The following GSDME variants were observed in gnomAD, a reference collection of about 807,000 sequenced individuals.
GSDME encodes the protein gasdermin-E.
In GSDME, 44 loss-of-function variants were observed where a neutral mutation model predicts 47.5. The ratio of observed to expected loss-of-function variants is 0.93; its 90% CI spans 0.73 to 1.19. The LOEUF (loss-of-function observed/expected upper bound fraction) is 1.19. Ranked by LOEUF, GSDME falls within the 50% of genes most tolerant of loss-of-function variation. GSDME has a pLI of 0.00. For missense variants in GSDME, 663 were observed against 604.2 expected (o/e 1.10, Z -1.02); for synonymous variants, 258 against 252.8 (o/e 1.02, Z -0.20).
At chr7:24,785,191 G>T in the GSDME span, among the ~76,000 whole-genome samples, 2 of 152,010 alleles carry the variant, frequency 1.3e-5, no homozygotes, top group Admixed American at 6.5e-5. Flanking sequence ...GGATGCTTTG[G>T]GCTATAACAG....
intron 5 of GSDME, among the ~76,000 whole-genome samples, chr7:24,715,168 C>T (rs1359916892): frequency 1.3e-5 from 2 of 152,134 alleles, no homozygotes; most frequent in Non-Finnish European, 2.9e-5. Flanking sequence ...GCTGAACTCA[C>T]AGAAGCAGGG....
At chr7:24,719,269 T>C (rs1444971339) in intron 3 of GSDME, 51 bp from the exon 4 acceptor site, 1 of 1,581,850 alleles carries the variant, frequency 6.3e-7, no homozygotes, top group Non-Finnish European at 8.6e-7. Context: ...GGGACATTGG[T>C]GTAGTGTGAA....
chr7:24,774,265 TTCCCTCCCTCCCTCCCTTCC>T, the GSDME span, among the ~76,000 whole-genome samples: 1 of 20,756 alleles, frequency 4.8e-5, no homozygotes, highest in Admixed American at 5.0e-4. Flanking sequence ...CCCTCCCTTC[TTCCCTCCCTCCCTCCCTTCC>T]TCCCTCCCTC....
At chr7:24,763,684 T>A in the GSDME span, among the ~76,000 whole-genome samples, 1 of 152,236 alleles carries the variant, frequency 6.6e-6, no homozygotes, top group Non-Finnish European at 1.5e-5. This position sits in a 1 kb window ranked among gnomAD's most constrained non-coding sequence, Gnocchi z 4.3. Context: ...AAAGTGAAAC[T>A]GCAGATAAAG....
In GSDME at chr7:24,744,721, C is replaced by G. The variant is rs1026257363; in HGVS notation, c.245G>C (p.Gly82Ala). 1 of 1,614,142 alleles carries G rather than the reference C, an allele frequency of 6.2e-7. No homozygotes were observed. The highest frequency in any genetic ancestry group is 8.5e-7 in the Non-Finnish European group (1 of 1,180,036). Residue 82 changes from glycine to alanine, a missense_variant, in exon 3 of 10, where the codon GGC (glycine) becomes GCC (alanine). Physicochemically the swap from Gly to Ala is moderately conservative, Grantham distance 60. Transcript: ENST00000645220. This position sits in a 1 kb window ranked among gnomAD's most constrained non-coding sequence, Gnocchi z 4.5. ...VVESDFVKYE[G>A]KFANHVSGTL... is the part of the protein sequence containing the mutation. ...TCCACTCACGTGGTTTGCAAACTTG[C>G]CCTCGTATTTCACAAAGTCCGACTC...
intron 8 of GSDME, chr7:24,704,402 C>T (rs1789009277): frequency 6.6e-6 from 1 of 152,070 alleles, no homozygotes; most frequent in African/African-American, 2.4e-5. Context: ...CTACGAAGAC[C>T]CCATTTTCTA....
rs1584082985 is a variant in GSDME at position 24,728,299 on chromosome 7, A to G, written c.405-9081T>C. ...GCTGCCAGGACAGATGGCGGCTGCCACAGGGGCCCACAGAGCCACCGAACT... is the reference window on the plus strand; with the variant it reads ...GCTGCCAGGACAGATGGCGGCTGCCGCAGGGGCCCACAGAGCCACCGAACT... On this transcript the variant is annotated intron_variant, in intron 3 of 9. Coordinates refer to ENST00000645220, the MANE Select transcript of GSDME (RefSeq NM_001127453.2). The surrounding 1 kb of genome is among the most constrained non-coding windows in gnomAD (Gnocchi z 7.2). 6.6e-6 allele frequency among the ~76,000 whole-genome samples: 1 copy of G among 152,210 alleles called. No individual in the cohort carries two copies. Among genetic ancestry groups the G allele is most frequent in the African/African-American group, 2.4e-5 (1 of 41,454 alleles).
chr7:24,788,050 A>C, the GSDME span, among the ~76,000 whole-genome samples: 1 of 152,328 alleles, frequency 6.6e-6, no homozygotes, highest in East Asian at 1.9e-4. The surrounding 1 kb of genome is among the most constrained non-coding windows in gnomAD (Gnocchi z 4.6). Flanking sequence ...CCTTTGGTAA[A>C]ATAAATGGGA....
chr7:24,784,731 TG>T, the GSDME span, among the ~76,000 whole-genome samples: 1 of 151,886 alleles, frequency 6.6e-6, no homozygotes, highest in African/African-American at 2.4e-5. Flanking sequence ...GGCTAATTTT[TG>T]TATTTTTAGT....
At position 24,728,025 on chromosome 7, in the gene GSDME, C is replaced by T. The variant is rs1366500444; in HGVS notation, c.405-8807G>A. Among the ~76,000 whole-genome samples, 4 of 152,136 alleles carry T rather than the reference C, an allele frequency of 2.6e-5. No individual in the cohort carries two copies. Among genetic ancestry groups the T allele is most frequent in the Admixed American group, 6.5e-5 (1 of 15,282 alleles). On this transcript the variant is annotated intron_variant, in intron 3 of 9. Transcript: ENST00000645220. This position sits in a 1 kb window ranked among gnomAD's most constrained non-coding sequence, Gnocchi z 7.2. ...TGTTCGGGAGCTAGGGGGGCTGTAA[C>T]GGGAGGAAGAGACAGGGTGCACCCA... is the stretch of plus-strand genomic sequence containing the variant.
rs755640329 is a variant in GSDME, at chr7:24,710,391, G to A, written c.698-3C>T. ...CTTCCCTCGGAGAAGGCAGAACTCT[G>A]TAGTGCAGGAGAAAAGGACAAGTTA... On this transcript the variant is annotated splice_region_variant and splice_polypyrimidine_tract_variant and intron_variant, in intron 5 of 9. Transcript: ENST00000645220. 2 of 1,614,156 alleles carry A rather than the reference G, an allele frequency of 1.2e-6. No homozygotes were observed. Among genetic ancestry groups the A allele is most frequent in the East Asian group, 2.2e-5 (1 of 44,888 alleles).
rs1038734488 is a variant in GSDME, at chr7:24,728,550, T to C, written c.405-9332A>G. Among the ~76,000 whole-genome samples, 1 of 152,202 alleles carries C rather than the reference T, an allele frequency of 6.6e-6. No homozygotes were observed. Among genetic ancestry groups the C allele is most frequent in the African/African-American group, 2.4e-5 (1 of 41,452 alleles). On this transcript the variant is annotated intron_variant, in intron 3 of 9. Transcript: ENST00000645220. This position sits in a 1 kb window ranked among gnomAD's most constrained non-coding sequence, Gnocchi z 7.2. ...ATCCACCCTCGAAGCTCTGCGCCCA[T>C]CTGCCTCTCCCTCCTGAACCTTCCT...
At position 24,747,212 on chromosome 7, in the gene GSDME, G is replaced by A. The variant is rs563331753; in HGVS notation, c.211+2352C>T. 7.2e-5 allele frequency among the ~76,000 whole-genome samples: 11 copies of A among 152,234 alleles called. No individual in the cohort carries two copies. The South Asian group carries it at 1.7e-3, about 23-fold the overall frequency. ...TTCATATTTAGTTATTTCACCGTTC[G>A]ATAGAAGTTCTGCCAGAAAGCACAC... On this transcript the variant is annotated intron_variant, in intron 2 of 9. Coordinates refer to ENST00000645220, the MANE Select transcript of GSDME (RefSeq NM_001127453.2).
chr7:24,792,160 C>T, the GSDME span, among the ~76,000 whole-genome samples: 6 of 152,212 alleles, frequency 3.9e-5, no homozygotes, highest in Non-Finnish European at 8.8e-5. Flanking sequence ...TCATTCCAAC[C>T]AGACATTTGC....
At chr7:24,699,699 G>C (rs1391708910) in intron 9 of GSDME, among the ~76,000 whole-genome samples, 1 of 152,108 alleles carries the variant, frequency 6.6e-6, no homozygotes, top group Non-Finnish European at 1.5e-5. Context: ...GGTGTAACAT[G>C]ATATATTTGA....
At position 24,745,746 on chromosome 7, in the gene GSDME, G is replaced by A. The variant is rs1008493188; in HGVS notation, c.212-992C>T. Among the ~76,000 whole-genome samples the A allele has an allele frequency of 6.6e-6, 1 of 152,152 alleles. No homozygotes were observed. Among genetic ancestry groups the A allele is most frequent in the Non-Finnish European group, 1.5e-5 (1 of 68,032 alleles). The stretch of plus-strand genomic sequence containing the variant: ...CCAGCTACCCTAGAGGCTGAGGTGA[G>A]AGGATCACCTGAACCCAGGAGTATA... On this transcript the variant is annotated intron_variant, in intron 2 of 9. Coordinates refer to ENST00000645220, the MANE Select transcript of GSDME (RefSeq NM_001127453.2). The surrounding 1 kb of genome is among the most constrained non-coding windows in gnomAD (Gnocchi z 4.4).
chr7:24,702,922 T>C, intron 8 of GSDME, 89 bp from the exon 9 acceptor site: 2 of 1,161,142 alleles, frequency 1.7e-6, no homozygotes, highest in Non-Finnish European at 2.5e-6. Flanking sequence ...ACTTATATTT[T>C]AGTACTTTCC....
chr7:24,699,409 C>T, intron 9 of GSDME, 150 bp from the exon 10 acceptor site: 1 of 680,836 alleles, frequency 1.5e-6, no homozygotes, highest in South Asian at 1.6e-5. Context: ...GTGGCGTGAT[C>T]TCGGCTCACT....
upstream of GSDME, chr7:24,757,635 T>C (rs537100548): frequency 3.3e-5 from 5 of 152,366 alleles, no homozygotes; most frequent in Admixed American, 6.5e-5. The surrounding 1 kb of genome is among the most constrained non-coding windows in gnomAD (Gnocchi z 5.9). Flanking sequence ...CTCCTTCGTG[T>C]GACTCTCTGG....
Sources: allele counts gnomAD v4.1 joint callset (sites outside exome capture counted in the v4.1 genomes callset), GRCh38; gene constraint gnomAD v4.1.1; non-coding constraint Gnocchi (gnomAD v3.1); transcripts MANE v1.5; gene names NCBI Gene and HGNC (gene_info 2026-07-23, HGNC 2026-07-21).